The following SIPA1L3 variants were observed in gnomAD, a reference collection of about 807,000 sequenced individuals.
The protein encoded by SIPA1L3 is signal-induced proliferation-associated 1-like protein 3.
A neutral mutation model predicts 150.1 loss-of-function variants in SIPA1L3; 59 were observed. That is an observed-to-expected ratio of 0.39 (90% confidence interval 0.32 to 0.49). The LOEUF (loss-of-function observed/expected upper bound fraction) is 0.49. Ranked by LOEUF, SIPA1L3 falls within the 20% of genes least tolerant of loss-of-function variation. SIPA1L3 has a pLI of 0.86. For synonymous variants in SIPA1L3, 1,070 were observed against 1,077.6 expected (o/e 0.99, Z 0.14); for missense variants, 2,211 against 2,489.5 (o/e 0.89, Z 2.38).
chr19:38,164,725 C>G lies in SIPA1L3; in HGVS notation c.4027C>G (p.Leu1343Val). The G allele has an allele frequency of 6.2e-7, 1 of 1,614,008 alleles. No individual in the cohort carries two copies. Among genetic ancestry groups the G allele is most frequent in the Non-Finnish European group, 8.5e-7 (1 of 1,179,962 alleles). The change falls in exon 15 of 22, where the codon CTT becomes GTT. Residue 1343 changes from leucine to valine, a missense_variant. By Grantham distance (32) the Leu-to-Val change is conservative. This residue lies in a region of SIPA1L3 where 806 missense variants were observed against 870.1 expected (regional missense o/e 0.93). Transcript: ENST00000222345. This position sits in a 1 kb window ranked among gnomAD's most constrained non-coding sequence, Gnocchi z 4.1. ...KPHKPPGSMG[L>V]CGGGREAAGR... Reference sequence around the variant, plus strand: ...ACACAAGCCCCCTGGAAGTATGGGCCTTTGTGGCGGGGGTCGCGAGGCCGC... The same window carrying G: ...ACACAAGCCCCCTGGAAGTATGGGCGTTTGTGGCGGGGGTCGCGAGGCCGC...
chr19:37,964,435 A>G (rs967536217), intron 1 of SIPA1L3, among the ~76,000 whole-genome samples: 2 of 152,070 alleles, frequency 1.3e-5, no homozygotes, highest in African/African-American at 2.4e-5. Flanking sequence ...TAGAAACACA[A>G]CGGTGATATA....
chr19:38,164,049 G>A lies in SIPA1L3; in HGVS notation c.3781-430G>A, dbSNP rs927413031. On this transcript the variant is annotated intron_variant, in intron 14 of 21. Transcript: ENST00000222345. This position sits in a 1 kb window ranked among gnomAD's most constrained non-coding sequence, Gnocchi z 4.1. ...CAGGTCCCGGATCTGTGTTGAGGAC[G>A]CGGGCAGCAGGGTTTGCTAGTGGGC... Among the ~76,000 whole-genome samples, 2 of 152,206 alleles carry A rather than the reference G, an allele frequency of 1.3e-5. No homozygotes were observed. Among genetic ancestry groups the A allele is most frequent in the Admixed American group, 1.3e-4 (2 of 15,274 alleles).
chr19:38,080,444 G>A (rs1969949011), intron 2 of SIPA1L3, among the ~76,000 whole-genome samples: 1 of 152,188 alleles, frequency 6.6e-6, no homozygotes, highest in Admixed American at 6.5e-5. Context: ...GGTGGCCATT[G>A]TAGAGTAGAG....
chr19:38,135,257 C>G (rs2145927101), intron 10 of SIPA1L3, among the ~76,000 whole-genome samples: 1 of 152,160 alleles, frequency 6.6e-6, no homozygotes, highest in East Asian at 1.9e-4. Context: ...AGGCCTAAAC[C>G]CTGAACCTGA....
At chr19:37,943,252 A>G (rs1359795565) in intron 1 of SIPA1L3, among the ~76,000 whole-genome samples, 1 of 152,070 alleles carries the variant, frequency 6.6e-6, no homozygotes, top group African/African-American at 2.4e-5. Flanking sequence ...TCAACCCCGA[A>G]GAAACTGAGG....
intron 2 of SIPA1L3, among the ~76,000 whole-genome samples, chr19:38,066,596 C>T (rs763089891): frequency 4.6e-5 from 7 of 152,002 alleles, no homozygotes; most frequent in Non-Finnish European, 4.4e-5. Context: ...GAGGCCAAGA[C>T]GGGTGGATCA....
In SIPA1L3 at chr19:38,082,296, C is replaced by T; in HGVS notation, c.731C>T (p.Ala244Val). Residue 244 changes from alanine (A) to valine (V), a missense_variant, in exon 3 of 22, where the codon GCA becomes GTA. This residue lies in a region of SIPA1L3 where 587 missense variants were observed against 534.5 expected (regional missense o/e 1.10). Transcript: ENST00000222345. ...GCQALTELLR[A>V]DPGPHLMGGG... ...CAGGCCCTCACCGAGCTCCTCCGGG[C>T]AGATCCTGGCCCACACCTCATGGGG... 1 of 1,599,564 alleles carries T rather than the reference C, an allele frequency of 6.3e-7. No individual in the cohort carries two copies. The highest frequency in any genetic ancestry group is 8.5e-7 in the Non-Finnish European group (1 of 1,179,330).
At chr19:38,072,838 G>A (rs1434244484) in intron 2 of SIPA1L3, among the ~76,000 whole-genome samples, 2 of 152,262 alleles carry the variant, frequency 1.3e-5, no homozygotes, top group East Asian at 1.9e-4. Flanking sequence ...TGTCCTGTGA[G>A]CTTCTGGCAG....
Position 38,182,549 on chromosome 19 carries a change from T to C in SIPA1L3, c.4239T>C (p.Ala1413=). The change falls in exon 16 of 22, where the codon GCT becomes GCC. Residue 1413 remains alanine, a synonymous_variant. Transcript: ENST00000222345. ...SDMGSRVGYP[A]QVYKTASAET... ...TGGGCTCGAGGGTTGGCTACCCCGC[T>C]CAGGTTTACAAAACTGCCAGTGCAG... The C allele has an allele frequency of 6.2e-7, 1 of 1,613,594 alleles. No homozygotes were observed. Among genetic ancestry groups the C allele is most frequent in the South Asian group, 1.1e-5 (1 of 91,020 alleles).
intron 18 of SIPA1L3, among the ~76,000 whole-genome samples, chr19:38,197,952 G>A (rs549558647): frequency 1.4e-4 from 20 of 146,474 alleles, no homozygotes; most frequent in African/African-American, 3.6e-4. Flanking sequence ...GAACACAGTC[G>A]TCACTGGGAC....
At chr19:38,057,512 A>G (rs1185082005) in intron 2 of SIPA1L3, among the ~76,000 whole-genome samples, 1 of 151,924 alleles carries the variant, frequency 6.6e-6, no homozygotes. Flanking sequence ...AATTTCTTTA[A>G]TGGTACTCCT....
rs575528795 is a variant in SIPA1L3 at position 38,081,622 on chromosome 19, C to G, written c.57C>G (p.Gly19=). 1 of 1,604,222 alleles carries G rather than the reference C, an allele frequency of 6.2e-7. No homozygotes were observed. The highest frequency in any genetic ancestry group is 8.5e-7 in the Non-Finnish European group (1 of 1,173,438). The part of the protein sequence containing the change: ...SDGVDLAASC[G]ARVGDVLPGP... ...GTGTGGACCTGGCAGCCAGCTGTGG[C>G]GCCAGGGTGGGCGATGTCCTCCCTG... The change falls in exon 3 of 22, where the codon GGC becomes GGG. Residue 19 remains glycine (G), a synonymous_variant. Transcript: ENST00000222345.
Position 37,911,512 on chromosome 19 carries a change from C to CT in SIPA1L3, c.-379+4168dup, listed in dbSNP as rs1215377760. 1.7e-3 allele frequency among the ~76,000 whole-genome samples: 244 copies of CT among 143,696 alleles called. 1 individual carries two copies. Among genetic ancestry groups the CT allele is most frequent in the Middle Eastern group, 7.5e-3 (2 of 268 alleles). The allele number at this position is 143,696 out of a possible 152,430, so 94.3% of individuals were successfully genotyped here. ...CCTTTAGGTTGTTCCTCTGAGATGTCTTTTTTTTTTTTTTGAGACGGAGTC... is the reference window on the plus strand; with the variant it reads ...CCTTTAGGTTGTTCCTCTGAGATGTCTTTTTTTTTTTTTTTGAGACGGAGTC... On this transcript the variant is annotated intron_variant, in intron 1 of 21. Transcript: ENST00000222345.
intron 1 of SIPA1L3, among the ~76,000 whole-genome samples, chr19:37,960,391 C>T (rs1230349545): frequency 6.6e-6 from 1 of 151,734 alleles, no homozygotes; most frequent in East Asian, 1.9e-4. Context: ...TGCGCGCCAC[C>T]ACACTCAGCT....
chr19:38,111,183 C>A (rs970397063), intron 8 of SIPA1L3, among the ~76,000 whole-genome samples: 1 of 151,816 alleles, frequency 6.6e-6, no homozygotes, highest in African/African-American at 2.4e-5. Flanking sequence ...CACCCCCATG[C>A]CTGGCTAATT....
intron 1 of SIPA1L3, among the ~76,000 whole-genome samples, chr19:37,974,524 A>G (rs1331338588): frequency 6.6e-6 from 1 of 152,096 alleles, no homozygotes; most frequent in African/African-American, 2.4e-5. Context: ...AAAAAAAAAA[A>G]AAAAAGTATT....
intron 15 of SIPA1L3, among the ~76,000 whole-genome samples, chr19:38,169,439 A>T (rs565608542): frequency 2.3e-4 from 34 of 151,014 alleles, no homozygotes; most frequent in Non-Finnish European, 4.7e-4. Flanking sequence ...GTGTCAGCCC[A>T]CCTGCATTCA....
At chr19:37,910,025 T>C (rs1223701575) in intron 1 of SIPA1L3, among the ~76,000 whole-genome samples, 1 of 150,316 alleles carries the variant, frequency 6.7e-6, no homozygotes, top group Non-Finnish European at 1.5e-5. Flanking sequence ...CAGTGTAGAA[T>C]GAATGATCTA....
intron 13 of SIPA1L3, among the ~76,000 whole-genome samples, chr19:38,158,453 G>A (rs1971999713): frequency 6.6e-6 from 1 of 152,208 alleles, no homozygotes; most frequent in Non-Finnish European, 1.5e-5. Flanking sequence ...GGGACGGGCA[G>A]AGTATGTGGA....
Sources: gnomAD v4.1 joint callset for allele counts (sites outside exome capture counted in the v4.1 genomes callset) on GRCh38, gnomAD v4.1.1 for gene constraint, gnomAD v4.1.1 regional missense constraint, Gnocchi (gnomAD v3.1) non-coding constraint, MANE v1.5 for transcripts, NCBI Gene and HGNC (gene_info 2026-07-23, HGNC 2026-07-21) for gene names.